The following ADAM12 variants were observed in gnomAD, a reference collection of about 807,000 sequenced individuals.
The protein encoded by ADAM12 is disintegrin and metalloproteinase domain-containing protein 12.
A neutral mutation model predicts 106.4 loss-of-function variants in ADAM12; 70 were observed. That is an observed-to-expected ratio of 0.66 (90% confidence interval 0.54 to 0.80). The LOEUF (loss-of-function observed/expected upper bound fraction) is 0.80. Among genes scored for constraint, ADAM12 ranks in the 30% least tolerant of loss-of-function variants. The pLI, the probability that ADAM12 is intolerant of heterozygous loss-of-function variation, is 0.00. For synonymous variants in ADAM12, 420 were observed against 433.5 expected (o/e 0.97, Z 0.39); for missense variants, 1,010 against 1,171.9 (o/e 0.86, Z 2.02).
At chr10:126,279,031 T>C in intron 2 of ADAM12, 43 bp from the exon 3 acceptor site, 1 of 1,486,424 alleles carries the variant, frequency 6.7e-7, no homozygotes. Context: ...ACGCTTGGCT[T>C]TGATTTGCAA....
At chr10:126,232,003 AT>A (rs1429854289) in intron 3 of ADAM12, among the ~76,000 whole-genome samples, 1 of 152,176 alleles carries the variant, frequency 6.6e-6, no homozygotes, top group Non-Finnish European at 1.5e-5. Context: ...CAAACTTTAT[AT>A]AACTGAAAGG....
chr10:126,201,611 G>A (rs1025509804), intron 3 of ADAM12, among the ~76,000 whole-genome samples: 1 of 152,128 alleles, frequency 6.6e-6, no homozygotes, highest in African/African-American at 2.4e-5. Context: ...AGTTTGTGGT[G>A]CTTCATTACA....
chr10:126,262,586 C>T lies in ADAM12; in HGVS notation c.260+16329G>A, dbSNP rs148021050. On this transcript the variant is annotated intron_variant, in intron 3 of 22. Transcript: ENST00000448723. ...AAAAATAATGTTTTATTTTTGTGAC[C>T]TACAGTGAACACATAAAAGAATGTG... Among the ~76,000 whole-genome samples the T allele has an allele frequency of 6.8e-3, 1,035 of 152,170 alleles. 15 individuals are homozygous for T. Among genetic ancestry groups the T allele is most frequent in the African/African-American group, 0.024 (991 of 41,518 alleles).
chr10:126,226,398 T>C (rs933205888), intron 3 of ADAM12, among the ~76,000 whole-genome samples: 21 of 152,148 alleles, frequency 1.4e-4, no homozygotes, highest in Admixed American at 1.4e-3. Context: ...GTGGAGGGGA[T>C]GCGTGTGCAG....
chr10:126,187,475 A>G (rs1444581687), intron 3 of ADAM12, among the ~76,000 whole-genome samples: 6 of 152,204 alleles, frequency 3.9e-5, no homozygotes, highest in African/African-American at 7.2e-5. Context: ...CGGGGTGCCC[A>G]GCAAGTGGCT....
chr10:126,062,142 G>A (rs184387377), intron 14 of ADAM12, among the ~76,000 whole-genome samples: 8 of 152,314 alleles, frequency 5.3e-5, no homozygotes, highest in East Asian at 1.9e-4. Context: ...TCACAAGCCC[G>A]AGGTGGCTTC....
intron 11 of ADAM12, among the ~76,000 whole-genome samples, chr10:126,076,399 G>A (rs1955102830): frequency 6.6e-6 from 1 of 152,204 alleles, no homozygotes; most frequent in Non-Finnish European, 1.5e-5. Flanking sequence ...TGTCTTTTTG[G>A]TAGAATGAGT....
chr10:126,064,914 CT>C lies in ADAM12; in HGVS notation c.1500del (p.Ala501ProfsTer72). The C allele has an allele frequency of 6.2e-7, 1 of 1,613,156 alleles. No individual in the cohort carries two copies. The highest frequency in any genetic ancestry group is 8.5e-7 in the Non-Finnish European group (1 of 1,179,692). On this transcript the variant is annotated frameshift_variant, in exon 14 of 23. Transcript: ENST00000448723. LOFTEE classifies it high-confidence loss of function. The surrounding 1 kb of genome is among the most constrained non-coding windows in gnomAD (Gnocchi z 4.4). ...EFCTGASPHC[P>X]ANVYLHDGHS... ...TGCCCATCGTGCAGGTACACGTTGG[CT>C]GGGCAGTGAGGGCTGGCCCCTGTGC...
At chr10:126,230,437 C>T (rs532720354) in intron 3 of ADAM12, among the ~76,000 whole-genome samples, 7 of 152,296 alleles carry the variant, frequency 4.6e-5, no homozygotes, top group East Asian at 3.9e-4. Flanking sequence ...ACTGCTGAGT[C>T]GAATGCTGTA....
At chr10:126,357,308 T>G (rs1012268833) in intron 1 of ADAM12, among the ~76,000 whole-genome samples, 1 of 152,108 alleles carries the variant, frequency 6.6e-6, no homozygotes, top group African/African-American at 2.4e-5. Context: ...GGATGATATA[T>G]TCAAAGTGCT....
At chr10:126,225,530 G>T (rs553135326) in intron 3 of ADAM12, among the ~76,000 whole-genome samples, 4 of 152,288 alleles carry the variant, frequency 2.6e-5, no homozygotes, top group Admixed American at 2.6e-4. Flanking sequence ...GTTTTTAGCC[G>T]TGAGCCCGAC....
At chr10:126,257,437 T>C (rs1565172923) in intron 3 of ADAM12, among the ~76,000 whole-genome samples, 1 of 152,226 alleles carries the variant, frequency 6.6e-6, no homozygotes, top group Non-Finnish European at 1.5e-5. Context: ...TCTGACTCAA[T>C]ACAACTTAGA....
chr10:126,068,637 G>A (rs1487585293), intron 12 of ADAM12, among the ~76,000 whole-genome samples: 3 of 152,098 alleles, frequency 2.0e-5, no homozygotes, highest in African/African-American at 4.8e-5. Flanking sequence ...GCCCTGTCCG[G>A]GAAGGCTTCA....
At chr10:126,329,411 T>C (rs1854424065) in intron 2 of ADAM12, among the ~76,000 whole-genome samples, 1 of 152,216 alleles carries the variant, frequency 6.6e-6, no homozygotes, top group Non-Finnish European at 1.5e-5. Context: ...ATGTTGTTTT[T>C]AATTTTGCTG....
chr10:126,028,461 A>G (rs543522438), intron 21 of ADAM12, among the ~76,000 whole-genome samples: 9 of 152,332 alleles, frequency 5.9e-5, no homozygotes, highest in East Asian at 3.9e-4. Context: ...TGATACAGAC[A>G]CATAGACCAA....
At chr10:126,375,855 C>T (rs1194705380) in intron 1 of ADAM12, among the ~76,000 whole-genome samples, 1 of 151,640 alleles carries the variant, frequency 6.6e-6, no homozygotes, top group African/African-American at 2.4e-5. Context: ...AAGCAATCCT[C>T]CCACCTTAGC....
At chr10:126,224,100 TG>T (rs1315370274) in intron 3 of ADAM12, among the ~76,000 whole-genome samples, 1 of 151,546 alleles carries the variant, frequency 6.6e-6, no homozygotes, top group Non-Finnish European at 1.5e-5. Flanking sequence ...GGAGGGGGCC[TG>T]GGGAGAGATG....
At chr10:126,219,318 C>A (rs1958046812) in intron 3 of ADAM12, among the ~76,000 whole-genome samples, 2 of 152,204 alleles carry the variant, frequency 1.3e-5, no homozygotes, top group African/African-American at 4.8e-5. Context: ...CTTCGGGAGG[C>A]TCTGCTCAGA....
At chr10:126,292,522 A>G (rs1365067910) in intron 2 of ADAM12, among the ~76,000 whole-genome samples, 1 of 152,194 alleles carries the variant, frequency 6.6e-6, no homozygotes, top group Non-Finnish European at 1.5e-5. Flanking sequence ...TCATATATAA[A>G]GCCAAAGTTG....
Sources: allele counts gnomAD v4.1 joint callset (sites outside exome capture counted in the v4.1 genomes callset), GRCh38; gene constraint gnomAD v4.1.1; non-coding constraint Gnocchi (gnomAD v3.1); transcripts MANE v1.5; gene names NCBI Gene and HGNC (gene_info 2026-07-23, HGNC 2026-07-21).